ERCC6L2: variants seen among roughly 807,000 people sequenced by gnomAD.
ERCC6L2 encodes the protein ERCC excision repair 6 like 2, also known as DNA excision repair protein ERCC-6-like 2.
In ERCC6L2, 77 loss-of-function variants were observed where a neutral mutation model predicts 132.0. That is an observed-to-expected ratio of 0.58 (90% confidence interval 0.49 to 0.71). The LOEUF (loss-of-function observed/expected upper bound fraction) is 0.71. Among genes scored for constraint, ERCC6L2 ranks in the 30% least tolerant of loss-of-function variants. The pLI, the probability that ERCC6L2 is intolerant of heterozygous loss-of-function variation, is 0.00. For missense variants in ERCC6L2, 1,542 were observed against 1,837.6 expected, an observed-to-expected ratio of 0.84 and a Z score of 2.94; for synonymous variants, 583 against 632.4, an observed-to-expected ratio of 0.92 and a Z score of 1.17.
chr9:95,901,705 C>T (rs1828787993), intron 3 of ERCC6L2, among the ~76,000 whole-genome samples: 1 of 152,210 alleles, frequency 6.6e-6, no homozygotes, highest in African/African-American at 2.4e-5. Flanking sequence ...ACTGCCCTTC[C>T]AGGCATTCTG....
intron 17 of ERCC6L2, among the ~76,000 whole-genome samples, chr9:95,986,151 T>C (rs1343926764): frequency 6.6e-6 from 1 of 152,226 alleles, no homozygotes; most frequent in African/African-American, 2.4e-5. Flanking sequence ...TTATCTGCTA[T>C]AGCCATTATC....
intron 19 of ERCC6L2, among the ~76,000 whole-genome samples, chr9:96,037,079 T>C (rs1834529597): frequency 6.6e-6 from 1 of 152,188 alleles, no homozygotes; most frequent in Non-Finnish European, 1.5e-5. Context: ...TTTTTTTTAA[T>C]TATTAGACTC....
At chr9:95,948,872 CTAACTG>C (rs1432007815) in intron 12 of ERCC6L2, among the ~76,000 whole-genome samples, 1 of 145,120 alleles carries the variant, frequency 6.9e-6, no homozygotes, top group Non-Finnish European at 1.5e-5. Context: ...TCTCTAGAAA[CTAACTG>C]TCCCTGAAGC....
chr9:95,962,498 A>G (rs1831953872), intron 13 of ERCC6L2, among the ~76,000 whole-genome samples: 1 of 152,202 alleles, frequency 6.6e-6, no homozygotes, highest in African/African-American at 2.4e-5. Flanking sequence ...TCTGATACCT[A>G]TATTACTTTG....
intron 2 of ERCC6L2, among the ~76,000 whole-genome samples, chr9:95,894,885 T>G (rs1239722709): frequency 6.6e-6 from 1 of 152,152 alleles, no homozygotes; most frequent in Non-Finnish European, 1.5e-5. Context: ...CGTGAGCCAC[T>G]GCACCAGGCC....
chr9:95,926,343 T>C (rs1053342606), intron 9 of ERCC6L2, among the ~76,000 whole-genome samples: 1 of 152,200 alleles, frequency 6.6e-6, no homozygotes, highest in African/African-American at 2.4e-5. Context: ...ACCTATGAGT[T>C]TATTTATAAT....
chr9:95,943,781 T>G (rs746320902), intron 12 of ERCC6L2, among the ~76,000 whole-genome samples: 5 of 152,106 alleles, frequency 3.3e-5, no homozygotes, highest in Non-Finnish European at 5.9e-5. Flanking sequence ...ATTAGGGAAA[T>G]GCATATCGGA....
intron 13 of ERCC6L2, among the ~76,000 whole-genome samples, chr9:95,964,398 TC>T (rs2133042500): frequency 6.6e-6 from 1 of 152,300 alleles, no homozygotes; most frequent in East Asian, 1.9e-4. Flanking sequence ...AATAATAGTC[TC>T]CCAAAGATGT....
intron 12 of ERCC6L2, among the ~76,000 whole-genome samples, chr9:95,950,447 C>T (rs1179584950): frequency 6.6e-6 from 1 of 151,938 alleles, no homozygotes; most frequent in Non-Finnish European, 1.5e-5. Context: ...AGTTATAAGA[C>T]ATATAGAAAA....
chr9:95,934,119 G>A (rs1217186325), intron 11 of ERCC6L2, among the ~76,000 whole-genome samples: 1 of 152,172 alleles, frequency 6.6e-6, no homozygotes, highest in Non-Finnish European at 1.5e-5. Flanking sequence ...AAGCCTGAAA[G>A]ACAGCTGGGC....
At chr9:95,990,563 C>T (rs542870882) in intron 17 of ERCC6L2, among the ~76,000 whole-genome samples, 12 of 152,318 alleles carry the variant, frequency 7.9e-5, no homozygotes, top group Non-Finnish European at 1.0e-4. Context: ...ACCCCCTTCG[C>T]GGGCAGGAAC....
chr9:95,927,268 A>AT lies in ERCC6L2; in HGVS notation c.1534-803dup, dbSNP rs751538538. On this transcript the variant is annotated intron_variant, in intron 9 of 18. Transcript: ENST00000653738. ...TGATTGAGTAAGTGTTATATTGAGT[A>AT]TTTTTTTTATTTAAAAGCTTAAATG... 1.4e-4 allele frequency among the ~76,000 whole-genome samples: 21 copies of AT among 151,984 alleles called. 1 individual carries two copies. The East Asian group carries it at 1.5e-3, about 11-fold the overall frequency.
chr9:95,984,280 A>G (rs1833007296), intron 17 of ERCC6L2, among the ~76,000 whole-genome samples: 1 of 149,174 alleles, frequency 6.7e-6, no homozygotes. Context: ...TATGTATATG[A>G]TATACATGTT....
intron 2 of ERCC6L2, among the ~76,000 whole-genome samples, chr9:95,888,416 CT>C (rs1375293339): frequency 6.6e-6 from 1 of 152,104 alleles, no homozygotes; most frequent in African/African-American, 2.4e-5. Flanking sequence ...AGTTTTTGGC[CT>C]TTCACTATTC....
intron 3 of ERCC6L2, chr9:95,905,199 A>C (rs938358351): frequency 6.6e-6 from 1 of 152,186 alleles, no homozygotes; most frequent in Non-Finnish European, 1.5e-5. Flanking sequence ...ATTAAATGAA[A>C]TATTATTTAT....
At chr9:95,876,355 C>A (rs944205558) in intron 1 of ERCC6L2, 7 of 414,056 alleles carry the variant, frequency 1.7e-5, no homozygotes, top group Non-Finnish European at 3.0e-5. Context: ...AAACTGGGTT[C>A]ATTACTAGGT....
chr9:95,992,204 T>G (rs1031837420), intron 17 of ERCC6L2, among the ~76,000 whole-genome samples: 9 of 152,226 alleles, frequency 5.9e-5, no homozygotes, highest in Non-Finnish European at 1.3e-4. Flanking sequence ...TAGTTACTTT[T>G]GTTTTAAAAA....
intron 18 of ERCC6L2, among the ~76,000 whole-genome samples, chr9:96,007,886 A>G (rs576673732): frequency 7.2e-4 from 109 of 152,216 alleles, no homozygotes; most frequent in African/African-American, 2.4e-3. Context: ...TCTGGGTTCA[A>G]AGTACTTCCT....
At chr9:96,027,629 C>A (rs1257382822) in intron 19 of ERCC6L2, 6 of 152,542 alleles carry the variant, frequency 3.9e-5, no homozygotes, top group African/African-American at 1.4e-4. Flanking sequence ...CGCCGCCCAG[C>A]GCCCACCCGT....
Sources: allele counts gnomAD v4.1 joint callset (sites outside exome capture counted in the v4.1 genomes callset), GRCh38; gene constraint gnomAD v4.1.1; transcripts MANE v1.5; gene names NCBI Gene and HGNC (gene_info 2026-07-23, HGNC 2026-07-21).